The following VPS13B variants were observed in gnomAD, a reference collection of about 807,000 sequenced individuals.
VPS13B encodes vacuolar protein sorting 13 homolog B, also known as intermembrane lipid transfer protein VPS13B.
In VPS13B, 285 loss-of-function variants were observed where a neutral mutation model predicts 426.4. That is an observed-to-expected ratio of 0.67 (90% CI 0.61 to 0.74). The LOEUF is 0.74. Ranked by LOEUF, VPS13B falls within the 30% of genes least tolerant of loss-of-function variation. The pLI is 0.00. For synonymous variants in VPS13B, 1,676 were observed against 1,676.4 expected, an observed-to-expected ratio of 1.00 and a Z score of 0.01; for missense variants, 4,537 against 4,782.6, an observed-to-expected ratio of 0.95 and a Z score of 1.51.
intron 17 of VPS13B, among the ~76,000 whole-genome samples, chr8:99,243,619 A>G (rs1817048857): frequency 6.6e-6 from 1 of 152,226 alleles, no homozygotes; most frequent in South Asian, 2.1e-4. Context: ...TATATTTTAA[A>G]GAAAGGACCA....
intron 43 of VPS13B, among the ~76,000 whole-genome samples, chr8:99,798,554 G>A (rs891323087): frequency 1.3e-5 from 2 of 152,094 alleles, no homozygotes; most frequent in African/African-American, 4.8e-5. Flanking sequence ...GATTGTGATA[G>A]GGTCCTTTAT....
At chr8:99,165,990 A>AT (rs1334146660) in intron 15 of VPS13B, among the ~76,000 whole-genome samples, 2 of 152,052 alleles carry the variant, frequency 1.3e-5, no homozygotes, top group Non-Finnish European at 2.9e-5. Flanking sequence ...TTATTTATTT[A>AT]TTTTTTTGAG....
At chr8:99,126,711 T>G (rs1774907618) in intron 8 of VPS13B, among the ~76,000 whole-genome samples, 1 of 152,204 alleles carries the variant, frequency 6.6e-6, no homozygotes, top group African/African-American at 2.4e-5. Flanking sequence ...TTTTGCTATA[T>G]TTTGAACAAT....
chr8:99,229,337 C>T (rs1350674396), intron 17 of VPS13B, among the ~76,000 whole-genome samples: 1 of 152,180 alleles, frequency 6.6e-6, no homozygotes, highest in African/African-American at 2.4e-5. Flanking sequence ...GGAGAATGCC[C>T]TTGGCTGAAA....
intron 40 of VPS13B, among the ~76,000 whole-genome samples, chr8:99,770,514 A>C (rs1811431797): frequency 6.6e-6 from 1 of 152,210 alleles, no homozygotes; most frequent in Non-Finnish European, 1.5e-5. Context: ...AATGAACTGC[A>C]AAAGTATGGG....
chr8:99,066,113 G>C (rs940824442), intron 3 of VPS13B, among the ~76,000 whole-genome samples: 105 of 152,348 alleles, frequency 6.9e-4, no homozygotes, highest in African/African-American at 2.4e-3. Context: ...TCCCCATGAA[G>C]CTACCAATGA....
At chr8:99,251,392 A>G (rs1461964460) in intron 17 of VPS13B, among the ~76,000 whole-genome samples, 1 of 151,932 alleles carries the variant, frequency 6.6e-6, no homozygotes, top group African/African-American at 2.4e-5. Flanking sequence ...AATTTTGTCA[A>G]ATGCTTTTTT....
chr8:99,665,855 G>A (rs562617310), intron 35 of VPS13B, among the ~76,000 whole-genome samples: 10 of 152,282 alleles, frequency 6.6e-5, no homozygotes, highest in African/African-American at 2.4e-4. Context: ...ATTCTGTGAG[G>A]AAAGTCATTG....
intron 56 of VPS13B, 74 bp downstream of exon 56, chr8:99,854,330 A>C (rs1816444480): frequency 6.6e-6 from 10 of 1,514,000 alleles, no homozygotes; most frequent in Non-Finnish European, 9.0e-6. Context: ...GTAGCACCTC[A>C]TTTCAAGACC....
chr8:99,213,093 TGCTAGAC>T (rs915421084), intron 17 of VPS13B, among the ~76,000 whole-genome samples: 1 of 152,212 alleles, frequency 6.6e-6, no homozygotes, highest in African/African-American at 2.4e-5. Context: ...ACCTACTAAG[TGCTAGAC>T]TTGGACCCTG....
chr8:99,717,983 C>T (rs574853644), intron 37 of VPS13B, among the ~76,000 whole-genome samples: 1 of 152,196 alleles, frequency 6.6e-6, no homozygotes, highest in South Asian at 2.1e-4. Context: ...GCTGCCATGA[C>T]CATTTGTGTA....
At chr8:99,566,135 G>C (rs1294027257) in intron 31 of VPS13B, among the ~76,000 whole-genome samples, 2 of 152,040 alleles carry the variant, frequency 1.3e-5, no homozygotes, top group Admixed American at 1.3e-4. Flanking sequence ...GGCTGAGAGT[G>C]TCCTGTGGCA....
intron 33 of VPS13B, among the ~76,000 whole-genome samples, chr8:99,620,117 T>C (rs1038248884): frequency 6.6e-6 from 1 of 152,130 alleles, no homozygotes; most frequent in Non-Finnish European, 1.5e-5. Context: ...GGTAGGATGC[T>C]TACCATAAAA....
intron 33 of VPS13B, among the ~76,000 whole-genome samples, chr8:99,590,769 T>A (rs1826606018): frequency 6.6e-6 from 1 of 152,188 alleles, no homozygotes; most frequent in Non-Finnish European, 1.5e-5. Context: ...TGTGGTTAAT[T>A]TTAGAATAAG....
At chr8:99,445,723 A>G (rs1025377826) in intron 23 of VPS13B, among the ~76,000 whole-genome samples, 1 of 152,018 alleles carries the variant, frequency 6.6e-6, no homozygotes, top group Non-Finnish European at 1.5e-5. Flanking sequence ...AAATCAGTCT[A>G]TTTACTCTCC....
chr8:99,341,489 T>G (rs536670585), intron 19 of VPS13B: 3 of 155,316 alleles, frequency 1.9e-5, no homozygotes, highest in Non-Finnish European at 4.3e-5. Context: ...TTATTGAATT[T>G]TCAGCATTTT....
chr8:99,342,622 C>T (rs1006513476), intron 19 of VPS13B, among the ~76,000 whole-genome samples: 8 of 152,170 alleles, frequency 5.3e-5, no homozygotes, highest in African/African-American at 1.9e-4. Context: ...ATATATACTG[C>T]ATTAAAAAAA....
At chr8:99,414,485 C>T (rs562283742) in intron 21 of VPS13B, among the ~76,000 whole-genome samples, 1 of 152,096 alleles carries the variant, frequency 6.6e-6, no homozygotes, top group South Asian at 2.1e-4. Context: ...TTATTTTGCC[C>T]ATTAGTTGAT....
rs560509463 is a variant in VPS13B at position 99,333,340 on chromosome 8, A to G, written c.2825-50868A>G. 4.0e-5 allele frequency among the ~76,000 whole-genome samples: 6 copies of G among 151,836 alleles called. No individual in the cohort carries two copies. In the South Asian group the frequency reaches 1.2e-3, roughly 32 times the overall value. On this transcript the variant is annotated intron_variant, in intron 19 of 61. Transcript: ENST00000357162. The stretch of plus-strand genomic sequence containing the variant: ...TAATGAAACATTTTCTTTTGAGGTA[A>G]TTATGTAGATTCACATGCAGTTGTA...
Sources: gnomAD v4.1 joint callset for allele counts (sites outside exome capture counted in the v4.1 genomes callset) on GRCh38, gnomAD v4.1.1 for gene constraint, MANE v1.5 for transcripts, NCBI Gene and HGNC (gene_info 2026-07-23, HGNC 2026-07-21) for gene names.